The following FANK1 variants were observed in gnomAD, a reference collection of about 807,000 sequenced individuals.
FANK1 encodes the protein fibronectin type 3 and ankyrin repeat domains protein 1.
FANK1 carries 44 observed loss-of-function variants against 45.3 expected under a neutral mutation model. The ratio of observed to expected loss-of-function variants is 0.97; its 90% CI spans 0.76 to 1.25. FANK1 has a LOEUF of 1.25. Among genes scored for constraint, FANK1 ranks in the 50% most tolerant of loss-of-function variants. The probability of loss-of-function intolerance (pLI) is 0.00; values close to 1 mark genes in which losing one functional copy is unlikely to be tolerated. For missense variants in FANK1, 391 were observed against 424.4 expected, an observed-to-expected ratio of 0.92 and a Z score of 0.69; for synonymous variants, 149 against 152.5, an observed-to-expected ratio of 0.98 and a Z score of 0.17.
chr10:125,972,693 A>G (rs1041746643), intron 1 of FANK1: 4 of 152,330 alleles, frequency 2.6e-5, no homozygotes, highest in Admixed American at 2.0e-4. Flanking sequence ...TTTGTATGAA[A>G]GTAAAGAAGA....
At chr10:125,990,409 T>G (rs1406268959) in intron 3 of FANK1, among the ~76,000 whole-genome samples, 1 of 152,072 alleles carries the variant, frequency 6.6e-6, no homozygotes, top group Non-Finnish European at 1.5e-5. Flanking sequence ...AAAAAGAAGA[T>G]CCTTGATGGA....
At chr10:125,990,524 C>G (rs973541134) in intron 3 of FANK1, among the ~76,000 whole-genome samples, 19 of 152,202 alleles carry the variant, frequency 1.2e-4, no homozygotes, top group Admixed American at 8.5e-4. Context: ...TATTAGTTTT[C>G]CACTGGCCAG....
chr10:125,917,922 T>G (rs1295612695), intron 1 of FANK1, among the ~76,000 whole-genome samples: 1 of 152,300 alleles, frequency 6.6e-6, no homozygotes, highest in African/African-American at 2.4e-5. Context: ...ATCTCTACTT[T>G]AAAAAGAAAA....
intron 1 of FANK1, among the ~76,000 whole-genome samples, chr10:125,951,421 A>T (rs188694259): frequency 2.6e-5 from 4 of 152,152 alleles, no homozygotes; most frequent in African/African-American, 9.7e-5. Flanking sequence ...AAAATTTGCA[A>T]CTTCACAGTG....
intron 1 of FANK1, among the ~76,000 whole-genome samples, chr10:125,978,352 G>T (rs562072775): frequency 6.6e-6 from 1 of 152,306 alleles, no homozygotes; most frequent in South Asian, 2.1e-4. Context: ...GAGCAGTTGT[G>T]CTGTGCTAGG....
At chr10:125,963,735 G>A (rs974851933) in intron 1 of FANK1, among the ~76,000 whole-genome samples, 5 of 152,128 alleles carry the variant, frequency 3.3e-5, no homozygotes, top group African/African-American at 9.7e-5. Context: ...ACACCCTGGG[G>A]CCTGTCATGG....
At chr10:125,940,774 T>C (rs868322343) in intron 1 of FANK1, among the ~76,000 whole-genome samples, 56 of 152,368 alleles carry the variant, frequency 3.7e-4, no homozygotes, top group African/African-American at 1.3e-3. Flanking sequence ...CAGAGGTACC[T>C]GCGGCTTTCC....
At chr10:125,954,982 A>T (rs1564910200) in intron 1 of FANK1, among the ~76,000 whole-genome samples, 3 of 152,094 alleles carry the variant, frequency 2.0e-5, no homozygotes. Context: ...TAACTAAAAG[A>T]CAGTTTTAAA....
intron 3 of FANK1, among the ~76,000 whole-genome samples, chr10:125,993,330 T>C (rs922529218): frequency 1.3e-5 from 2 of 152,192 alleles, no homozygotes; most frequent in Non-Finnish European, 2.9e-5. Flanking sequence ...ATACCACTTT[T>C]CTTCTCCTGG....
At chr10:125,946,711 A>G (rs1270287102) in intron 1 of FANK1, among the ~76,000 whole-genome samples, 1 of 140,340 alleles carries the variant, frequency 7.1e-6, no homozygotes. Context: ...AGAACTTCCC[A>G]AATCTAGCAA....
intron 7 of FANK1, chr10:126,007,167 C>T (rs1953280311): frequency 6.6e-6 from 1 of 152,192 alleles, no homozygotes; most frequent in Non-Finnish European, 1.5e-5. Context: ...AGCCAATCAC[C>T]ACCTTCTTCC....
intron 1 of FANK1, among the ~76,000 whole-genome samples, chr10:125,954,024 A>G (rs1209603487): frequency 6.8e-6 from 1 of 148,038 alleles, no homozygotes; most frequent in Non-Finnish European, 1.5e-5. Flanking sequence ...CGAACGAAGG[A>G]GGGAAGGGGT....
chr10:126,000,575 G>C (rs1203921040), intron 6 of FANK1, among the ~76,000 whole-genome samples: 1 of 152,018 alleles, frequency 6.6e-6, no homozygotes, highest in East Asian at 1.9e-4. Context: ...ATAAATTCCA[G>C]ATGAATTAAG....
At chr10:125,936,186 A>G (rs1165638735) in intron 1 of FANK1, among the ~76,000 whole-genome samples, 3 of 152,148 alleles carry the variant, frequency 2.0e-5, no homozygotes, top group Non-Finnish European at 2.9e-5. Context: ...TATAATTTTG[A>G]CCTAATAGCT....
intron 1 of FANK1, among the ~76,000 whole-genome samples, chr10:125,942,362 G>A (rs537575769): frequency 6.6e-6 from 1 of 152,164 alleles, no homozygotes; most frequent in Non-Finnish European, 1.5e-5. Context: ...TGCACGTCCT[G>A]CACGTATATT....
intron 6 of FANK1, among the ~76,000 whole-genome samples, chr10:126,001,924 C>G (rs1952787540): frequency 6.6e-6 from 1 of 152,094 alleles, no homozygotes; most frequent in Non-Finnish European, 1.5e-5. Context: ...AGAGTTTGTT[C>G]TCTGTGAGGT....
At chr10:125,969,816 T>G (rs1019128437) in intron 1 of FANK1, among the ~76,000 whole-genome samples, 7 of 152,228 alleles carry the variant, frequency 4.6e-5, no homozygotes, top group African/African-American at 1.4e-4. Context: ...AGATTAGGTA[T>G]TGGTGATGAC....
At chr10:125,960,589 C>T (rs530510804) in intron 1 of FANK1, among the ~76,000 whole-genome samples, 2 of 152,338 alleles carry the variant, frequency 1.3e-5, no homozygotes, top group Middle Eastern at 3.4e-3. Context: ...TGCAGTGGTG[C>T]GATCTTGGCT....
intron 1 of FANK1, among the ~76,000 whole-genome samples, chr10:125,950,793 C>T (rs1039512173): frequency 2.7e-5 from 4 of 148,286 alleles, no homozygotes; most frequent in Admixed American, 6.8e-5. Context: ...CACATGCACA[C>T]GTATGTTTAT....
Sources: gnomAD v4.1 joint callset for allele counts (sites outside exome capture counted in the v4.1 genomes callset) on GRCh38, gnomAD v4.1.1 for gene constraint, MANE v1.5 for transcripts, NCBI Gene and HGNC (gene_info 2026-07-23, HGNC 2026-07-21) for gene names.